The following SLC39A11 variants were observed in gnomAD, a reference collection of about 807,000 sequenced individuals.
SLC39A11 encodes solute carrier family 39 member 11.
A neutral mutation model predicts 36.1 loss-of-function variants in SLC39A11; 33 were observed. The observed-to-expected ratio is 0.91, with a 90% CI of 0.69 to 1.22. The LOEUF (loss-of-function observed/expected upper bound fraction) is 1.22, where lower values mean the gene tolerates loss of function less well. Among genes scored for constraint, SLC39A11 ranks in the 50% most tolerant of loss-of-function variants. SLC39A11 has a pLI of 0.00. For synonymous variants in SLC39A11, 166 were observed against 170.3 expected (o/e 0.97, Z 0.20); for missense variants, 432 against 430.3 (o/e 1.00, Z -0.03).
chr17:72,955,043 C>T (rs1430755667), intron 4 of SLC39A11, among the ~76,000 whole-genome samples: 2 of 152,168 alleles, frequency 1.3e-5, no homozygotes, highest in East Asian at 1.9e-4. Flanking sequence ...TTGTCCAAAG[C>T]ACTAGGATTG....
chr17:72,925,571 C>T (rs1290792108), intron 5 of SLC39A11, among the ~76,000 whole-genome samples: 1 of 152,170 alleles, frequency 6.6e-6, no homozygotes, highest in Non-Finnish European at 1.5e-5. Context: ...CTACTCTATT[C>T]ACAATTATTC....
At chr17:72,825,427 G>A (rs1471170231) in intron 6 of SLC39A11, among the ~76,000 whole-genome samples, 10 of 152,244 alleles carry the variant, frequency 6.6e-5, no homozygotes, top group Admixed American at 5.2e-4. Flanking sequence ...TGCTGCAGGG[G>A]TGGAGCCCTC....
At chr17:72,864,932 T>C (rs2080227383) in intron 5 of SLC39A11, among the ~76,000 whole-genome samples, 2 of 152,178 alleles carry the variant, frequency 1.3e-5, no homozygotes, top group Admixed American at 1.3e-4. Context: ...GGAGTAAAGA[T>C]GAAAGCATGG....
intron 6 of SLC39A11, among the ~76,000 whole-genome samples, chr17:72,823,299 A>G (rs1202169849): frequency 1.3e-5 from 2 of 151,298 alleles, no homozygotes; most frequent in Admixed American, 1.3e-4. Context: ...GCCAGGAGCC[A>G]GATTTTAGGG....
Position 72,648,953 on chromosome 17 carries a change from T to C in SLC39A11, c.779A>G (p.Gln260Arg). The part of the protein sequence containing the change: ...FSTWRAFWYG[Q>R]LSGMVEPLAG... ...CAGGGGCTCCACCATGCCGCTCAGC[T>C]GCCCATACCTAAGGAGAGAACAGAG... Residue 260 changes from glutamine (Q) to arginine (R), a missense_variant, in exon 9 of 10, where the codon CAG becomes CGG. By Grantham distance (43) the Gln-to-Arg change is conservative. Coordinates refer to ENST00000255559, the MANE Select transcript of SLC39A11 (RefSeq NM_139177.4). 12 of 1,612,266 alleles carry C rather than the reference T, an allele frequency of 7.4e-6. No homozygotes were observed. The highest frequency in any genetic ancestry group is 1.0e-5 in the Non-Finnish European group (12 of 1,179,114).
At chr17:72,871,922 G>T (rs547334672) in intron 5 of SLC39A11, among the ~76,000 whole-genome samples, 4 of 152,250 alleles carry the variant, frequency 2.6e-5, no homozygotes, top group African/African-American at 9.6e-5. Context: ...CTTCATCTGT[G>T]GGACCTGTTG....
At chr17:73,042,400 C>A (rs1329595469) in intron 3 of SLC39A11, among the ~76,000 whole-genome samples, 1 of 152,220 alleles carries the variant, frequency 6.6e-6, no homozygotes, top group African/African-American at 2.4e-5. Context: ...TGGAGCAGAT[C>A]CTCCCTCATG....
chr17:72,917,204 C>A (rs1036931885), intron 5 of SLC39A11, among the ~76,000 whole-genome samples: 1 of 152,244 alleles, frequency 6.6e-6, no homozygotes, highest in African/African-American at 2.4e-5. Flanking sequence ...ACGTGGTTAA[C>A]ACACACTCTC....
chr17:72,940,661 C>A (rs1369855931), intron 5 of SLC39A11, among the ~76,000 whole-genome samples: 1 of 152,186 alleles, frequency 6.6e-6, no homozygotes, highest in Non-Finnish European at 1.5e-5. Flanking sequence ...GCATTCCCAG[C>A]CCATGCAGGT....
intron 5 of SLC39A11, among the ~76,000 whole-genome samples, chr17:72,882,510 A>G (rs1241914706): frequency 6.6e-6 from 1 of 152,178 alleles, no homozygotes; most frequent in Non-Finnish European, 1.5e-5. Context: ...CTATCACAGA[A>G]CATTGTTAAC....
At chr17:72,792,140 C>A (rs2076728264) in intron 6 of SLC39A11, among the ~76,000 whole-genome samples, 1 of 152,160 alleles carries the variant, frequency 6.6e-6, no homozygotes, top group Non-Finnish European at 1.5e-5. Context: ...GACAGCTGAA[C>A]ATATGACAAG....
At chr17:72,683,408 T>G (rs982469092) in intron 7 of SLC39A11, among the ~76,000 whole-genome samples, 10 of 150,222 alleles carry the variant, frequency 6.7e-5, no homozygotes, top group African/African-American at 2.5e-4. Context: ...CAGTCACGGC[T>G]CACTGCAGCC....
intron 3 of SLC39A11, among the ~76,000 whole-genome samples, chr17:73,071,315 T>G (rs569567964): frequency 1.3e-5 from 2 of 152,350 alleles, no homozygotes; most frequent in African/African-American, 4.8e-5. Context: ...TTGAAACCTG[T>G]TTCCTTTGTG....
At chr17:72,832,959 T>C (rs1226739763) in intron 6 of SLC39A11, among the ~76,000 whole-genome samples, 11 of 152,330 alleles carry the variant, frequency 7.2e-5, no homozygotes, top group East Asian at 5.8e-4. Flanking sequence ...GGCTCCTTGG[T>C]GGTCCATCCT....
chr17:73,013,744 T>C (rs2090654454), intron 4 of SLC39A11, among the ~76,000 whole-genome samples: 2 of 152,158 alleles, frequency 1.3e-5, no homozygotes, highest in Non-Finnish European at 2.9e-5. Flanking sequence ...CTGTATTTTA[T>C]GTGTGGCCCA....
At chr17:72,728,775 C>T (rs150914634) in intron 7 of SLC39A11, among the ~76,000 whole-genome samples, 4 of 152,246 alleles carry the variant, frequency 2.6e-5, no homozygotes, top group Admixed American at 2.0e-4. Flanking sequence ...TACTGGGTAA[C>T]GCTTTCCCCA....
At chr17:72,959,307 A>ATG (rs1209512668) in intron 4 of SLC39A11, among the ~76,000 whole-genome samples, 26 of 116,516 alleles carry the variant, frequency 2.2e-4, no homozygotes, top group African/African-American at 9.1e-4. Flanking sequence ...AAACTGGTGT[A>ATG]TGTATGTGTG....
chr17:72,708,419 C>G (rs544876783), intron 7 of SLC39A11, among the ~76,000 whole-genome samples: 1 of 152,300 alleles, frequency 6.6e-6, no homozygotes, highest in Admixed American at 6.5e-5. Context: ...TTGAATCTGC[C>G]AGCCCACTGT....
intron 6 of SLC39A11, among the ~76,000 whole-genome samples, chr17:72,744,723 G>T (rs1019729237): frequency 2.2e-4 from 34 of 152,200 alleles, no homozygotes; most frequent in African/African-American, 7.2e-4. Flanking sequence ...TCTCTCTCGG[G>T]CTTCTTTTAT....
Sources: gnomAD v4.1 joint callset for allele counts (sites outside exome capture counted in the v4.1 genomes callset) on GRCh38, gnomAD v4.1.1 for gene constraint, MANE v1.5 for transcripts, NCBI Gene and HGNC (gene_info 2026-07-23, HGNC 2026-07-21) for gene names.